The following FANCC variants were observed in gnomAD, a reference collection of about 807,000 sequenced individuals.
The protein encoded by FANCC is FA complementation group C.
A neutral mutation model predicts 71.3 loss-of-function variants in FANCC; 55 were observed. The observed-to-expected ratio is 0.77, with a 90% CI of 0.62 to 0.97. The LOEUF is 0.97. Ranked by LOEUF, FANCC falls within the 50% of genes least tolerant of loss-of-function variation. The pLI is 0.00. For missense variants in FANCC, 678 were observed against 670.9 expected (o/e 1.01, Z -0.12); for synonymous variants, 275 against 244.9 (o/e 1.12, Z -1.15).
intron 1 of FANCC, among the ~76,000 whole-genome samples, chr9:95,315,590 G>A (rs1005803019): frequency 3.3e-5 from 5 of 152,056 alleles, no homozygotes; most frequent in Admixed American, 2.6e-4. Flanking sequence ...AACTTCCAAG[G>A]TGCTTCTCCT....
At chr9:95,177,625 C>T (rs1402787919) in intron 4 of FANCC, among the ~76,000 whole-genome samples, 2 of 152,162 alleles carry the variant, frequency 1.3e-5, no homozygotes, top group Non-Finnish European at 2.9e-5. Flanking sequence ...TCTTCTTTCA[C>T]TATATCCTTA....
At chr9:95,225,161 C>A (rs1391237864) in intron 4 of FANCC, among the ~76,000 whole-genome samples, 17 of 152,200 alleles carry the variant, frequency 1.1e-4, no homozygotes, top group Admixed American at 1.1e-3. Context: ...AACATGTGGT[C>A]TGGGAAATCA....
chr9:95,289,754 G>C (rs929069968), intron 1 of FANCC, among the ~76,000 whole-genome samples: 5 of 152,074 alleles, frequency 3.3e-5, no homozygotes, highest in African/African-American at 1.2e-4. Context: ...AGGCTCAAAG[G>C]ATCCTCCTAC....
intron 11 of FANCC, among the ~76,000 whole-genome samples, chr9:95,115,359 A>G (rs933792578): frequency 1.1e-4 from 17 of 151,772 alleles, no homozygotes; most frequent in African/African-American, 3.9e-4. Context: ...CTACCTACAC[A>G]CTCCTCCATC....
chr9:95,114,712 T>G lies in FANCC; in HGVS notation c.1073-2A>C. On this transcript the variant is annotated splice_acceptor_variant, in intron 11 of 14. Transcript: ENST00000289081. LOFTEE classifies it high-confidence loss of function. ...GGAGCCAGTGTCCCCGAGGGATATC[T>G]GCGGGTGGAGAGAGATACGTCAGAG... 1 of 1,613,964 alleles carries G rather than the reference T, an allele frequency of 6.2e-7. No homozygotes were observed. Among genetic ancestry groups the G allele is most frequent in the East Asian group, 2.2e-5 (1 of 44,886 alleles).
At chr9:95,123,830 G>GTTTTTAATGATA in intron 10 of FANCC, 1 of 664,218 alleles carries the variant, frequency 1.5e-6, no homozygotes, top group Non-Finnish European at 2.8e-6. Context: ...ATTTAGACCT[G>GTTTTTAATGATA]CGGATGCTGC....
chr9:95,107,470 C>A, intron 13 of FANCC: 4 of 639,722 alleles, frequency 6.3e-6, no homozygotes, highest in South Asian at 3.7e-5. Flanking sequence ...GACTTTCTTT[C>A]GTCTTGCTCA....
chr9:95,317,074 G>C (rs1485104155), intron 1 of FANCC: 1 of 152,494 alleles, frequency 6.6e-6, no homozygotes, highest in Non-Finnish European at 1.5e-5. Flanking sequence ...AGGGCGACCG[G>C]CTCAAAGGGG....
At chr9:95,287,778 T>C (rs1833772906) in intron 1 of FANCC, among the ~76,000 whole-genome samples, 1 of 152,218 alleles carries the variant, frequency 6.6e-6, no homozygotes, top group South Asian at 2.1e-4. Flanking sequence ...AAATTCTCTT[T>C]CTTGTGTACA....
intron 1 of FANCC, among the ~76,000 whole-genome samples, chr9:95,252,292 A>G (rs1831391420): frequency 6.7e-6 from 1 of 149,434 alleles, no homozygotes; most frequent in Non-Finnish European, 1.5e-5. Context: ...AAAAAAAAAA[A>G]AAGAAAAAAA....
intron 1 of FANCC, among the ~76,000 whole-genome samples, chr9:95,254,350 G>C (rs1162596619): frequency 2.0e-5 from 3 of 152,248 alleles, no homozygotes; most frequent in African/African-American, 7.2e-5. Context: ...CAGAAGGCAG[G>C]TGATTTCTGC....
intron 4 of FANCC, among the ~76,000 whole-genome samples, chr9:95,182,503 G>C (rs895925617): frequency 1.3e-5 from 2 of 152,192 alleles, no homozygotes; most frequent in Non-Finnish European, 2.9e-5. Flanking sequence ...CTGGGAGATA[G>C]AGAAAGACTC....
At chr9:95,151,771 T>C (rs2135448953) in intron 6 of FANCC, among the ~76,000 whole-genome samples, 1 of 151,826 alleles carries the variant, frequency 6.6e-6, no homozygotes, top group Non-Finnish European at 1.5e-5. Flanking sequence ...CTACAAAAAA[T>C]ACAAAAATTA....
Position 95,238,343 on chromosome 9 carries a change from C to T in FANCC, c.345+2306G>A, listed in dbSNP as rs191429966. The stretch of plus-strand genomic sequence containing the variant: ...CATTTCCAGCTATGCCTAAGTGTAT[C>T]GACATTTAATCTGCCATTATACCTT... On this transcript the variant is annotated intron_variant, in intron 4 of 14. Coordinates refer to ENST00000289081, the MANE Select transcript of FANCC (RefSeq NM_000136.3). Among the ~76,000 whole-genome samples, 188 of 152,276 alleles carry T rather than the reference C, an allele frequency of 1.2e-3. 2 individuals are homozygous for T. Among genetic ancestry groups the T allele is most frequent in the African/African-American group, 4.4e-3 (182 of 41,556 alleles).
intron 8 of FANCC, among the ~76,000 whole-genome samples, chr9:95,129,676 C>G (rs1270826625): frequency 1.3e-5 from 2 of 152,224 alleles, no homozygotes; most frequent in African/African-American, 4.8e-5. Flanking sequence ...TCTCTCTTCT[C>G]CATCTGGCCT....
intron 1 of FANCC, among the ~76,000 whole-genome samples, chr9:95,272,679 A>G (rs1201042756): frequency 6.6e-6 from 1 of 152,216 alleles, no homozygotes; most frequent in Non-Finnish European, 1.5e-5. Context: ...CCTGGGTAAC[A>G]GAGTAAGACT....
At chr9:95,141,885 A>G (rs951824820) in intron 7 of FANCC, among the ~76,000 whole-genome samples, 2 of 152,050 alleles carry the variant, frequency 1.3e-5, no homozygotes, top group Admixed American at 6.6e-5. Flanking sequence ...TGTTAGGGGG[A>G]AAAATATGAG....
chr9:95,183,719 C>T (rs1239075476), intron 4 of FANCC, among the ~76,000 whole-genome samples: 4 of 152,152 alleles, frequency 2.6e-5, no homozygotes, highest in Non-Finnish European at 5.9e-5. Flanking sequence ...ACTCAGCTTG[C>T]AGTAACCTTC....
intron 1 of FANCC, among the ~76,000 whole-genome samples, chr9:95,305,051 G>A (rs1345794147): frequency 1.3e-5 from 2 of 152,120 alleles, no homozygotes; most frequent in Admixed American, 6.6e-5. Flanking sequence ...ATAGAGCACT[G>A]AGGATCGCTT....
Sources: allele counts gnomAD v4.1 joint callset (sites outside exome capture counted in the v4.1 genomes callset), GRCh38; gene constraint gnomAD v4.1.1; transcripts MANE v1.5; gene names NCBI Gene and HGNC (gene_info 2026-07-23, HGNC 2026-07-21).